The following CA6 variants were observed in gnomAD, a reference collection of about 807,000 sequenced individuals.
CA6 encodes the protein carbonic anhydrase 6, also known as carbonate dehydratase VI.
CA6 carries 28 observed loss-of-function variants against 35.9 expected under a neutral mutation model. The ratio of observed to expected loss-of-function variants is 0.78; its 90% CI spans 0.58 to 1.07. The LOEUF (loss-of-function observed/expected upper bound fraction) is 1.07. CA6 is among the 50% of genes least tolerant of loss of function. CA6 has a pLI of 0.00. For synonymous variants in CA6, 148 were observed against 152.6 expected (o/e 0.97, Z 0.22); for missense variants, 377 against 382.0 (o/e 0.99, Z 0.11).
intron 7 of CA6, among the ~76,000 whole-genome samples, chr1:8,972,545 G>T (rs374566412): frequency 6.6e-6 from 1 of 152,028 alleles, no homozygotes; most frequent in Non-Finnish European, 1.5e-5. Flanking sequence ...GGTGGCGGGC[G>T]CCTGTAGTCC....
At chr1:8,973,725 TTTC>T in intron 7 of CA6, among the ~76,000 whole-genome samples, 1 of 15,504 alleles carries the variant, frequency 6.4e-5, no homozygotes, top group Admixed American at 7.7e-4. Context: ...TCTTTCTTTC[TTTC>T]TTTCTTTCTT....
intron 1 of CA6, among the ~76,000 whole-genome samples, chr1:8,947,049 C>A (rs1639385244): frequency 1.3e-5 from 2 of 151,936 alleles, no homozygotes; most frequent in Admixed American, 1.3e-4. Flanking sequence ...AGTGATCCGC[C>A]CACCTTAGCC....
At chr1:8,966,148 C>T (rs777488465) in intron 5 of CA6, among the ~76,000 whole-genome samples, 5 of 151,970 alleles carry the variant, frequency 3.3e-5, no homozygotes, top group Non-Finnish European at 5.9e-5. Flanking sequence ...GACAGAGTCT[C>T]GCTGGGGCGG....
chr1:8,955,612 C>CCTT (rs1381406148), intron 2 of CA6, among the ~76,000 whole-genome samples: 13 of 134,556 alleles, frequency 9.7e-5, no homozygotes, highest in African/African-American at 2.6e-4. Context: ...GCATCACTGA[C>CCTT]CTTGCACGCC....
chr1:8,955,590 C>T (rs748313113), intron 2 of CA6, among the ~76,000 whole-genome samples: 1 of 152,184 alleles, frequency 6.6e-6, no homozygotes, highest in African/African-American at 2.4e-5. Context: ...CCTCGGCTCC[C>T]GTCTGCTTTC....
At chr1:8,959,094 T>C (rs1258660146) in intron 4 of CA6, 92 bp downstream of exon 4, 2 of 750,966 alleles carry the variant, frequency 2.7e-6, no homozygotes, top group South Asian at 1.6e-5. Flanking sequence ...TCTTCTTTAT[T>C]ATCACTCTTC....
At chr1:8,964,661 C>G (rs1639925657) in intron 5 of CA6, among the ~76,000 whole-genome samples, 1 of 152,186 alleles carries the variant, frequency 6.6e-6, no homozygotes, top group East Asian at 1.9e-4. Flanking sequence ...CCTTACCATT[C>G]CCCAGCTTCC....
chr1:8,974,366 T>G (rs2124203473), intron 7 of CA6: 1 of 1,531,044 alleles, frequency 6.5e-7, no homozygotes, highest in Non-Finnish European at 8.7e-7. Context: ...ACGGGGGGCA[T>G]CGTGGGAGAA....
At chr1:8,965,775 T>C (rs1371782938) in intron 5 of CA6, among the ~76,000 whole-genome samples, 1 of 151,682 alleles carries the variant, frequency 6.6e-6, no homozygotes, top group East Asian at 1.9e-4. Flanking sequence ...TATTCCCAGC[T>C]ACTCAGGAGG....
chr1:8,950,784 C>T (rs1362478360), intron 2 of CA6, among the ~76,000 whole-genome samples: 2 of 151,822 alleles, frequency 1.3e-5, no homozygotes, highest in African/African-American at 4.8e-5. Context: ...GGGAGGATCA[C>T]TTGAGCCTGG....
At chr1:8,957,620 C>G (rs970972192) in intron 3 of CA6, among the ~76,000 whole-genome samples, 4 of 151,134 alleles carry the variant, frequency 2.6e-5, no homozygotes, top group African/African-American at 4.8e-5. Context: ...GGATTATAGG[C>G]GTGAGCCACA....
chr1:8,956,172 T>G (rs763505454), intron 2 of CA6, among the ~76,000 whole-genome samples: 1 of 151,444 alleles, frequency 6.6e-6, no homozygotes, highest in Non-Finnish European at 1.5e-5. Context: ...GCAGTGAGCC[T>G]AGATCATGCC....
Position 8,949,302 on chromosome 1 carries a change from C to T in CA6, c.119C>T (p.Pro40Leu), listed in dbSNP as rs1227995444. ...GAAGCGCACTGGCCACAGCACTACCCCGCCTGTGGGGGCCAGAGACAGTCG... is the reference window on the plus strand; with the variant it reads ...GAAGCGCACTGGCCACAGCACTACCTCGCCTGTGGGGGCCAGAGACAGTCG... The part of the protein sequence containing the change: ...LDEAHWPQHY[P>L]ACGGQRQSPI... Residue 40 changes from proline to leucine, a missense_variant, in exon 2 of 8, where the codon CCC becomes CTC. Transcript: ENST00000377443. The T allele has an allele frequency of 6.2e-7, 1 of 1,612,886 alleles. No homozygotes were observed. Among genetic ancestry groups the T allele is most frequent in the Admixed American group, 1.7e-5 (1 of 59,848 alleles).
intron 1 of CA6, among the ~76,000 whole-genome samples, chr1:8,947,017 T>TG (rs1003877932): frequency 1.3e-5 from 2 of 152,012 alleles, no homozygotes; most frequent in Admixed American, 1.3e-4. Context: ...TTGGCCAGGC[T>TG]GTTCTCAAAC....
chr1:8,967,963 CT>C (rs34107058), intron 6 of CA6, 147 bp downstream of exon 6: 30,000 of 294,518 alleles, frequency 0.1, 2 homozygotes, highest in South Asian at 0.13. Context: ...TCTAGCCAAC[CT>C]TTTTTTTTTT....
In CA6 at chr1:8,951,387, G is replaced by A. The variant is rs765335710; in HGVS notation, c.259+1945G>A. 5 of 744,728 alleles carry A rather than the reference G, an allele frequency of 6.7e-6. No homozygotes were observed. In the Admixed American group the frequency reaches 7.0e-5, roughly 10 times the overall value. 46.1% of individuals were successfully genotyped at this position (744,728 alleles called of 1,614,324 possible). A position where few individuals can be genotyped will look rare whatever the true frequency, so the allele number is the denominator to read the frequency against. On this transcript the variant is annotated intron_variant, in intron 2 of 7. Transcript: ENST00000377443. ...AGCCTCATTTTCATCATAATGTCGA[G>A]CTCTTGTTTCCAAAGTTACTCTCTG...
At chr1:8,964,751 C>T (rs571046167) in intron 5 of CA6, among the ~76,000 whole-genome samples, 11 of 152,274 alleles carry the variant, frequency 7.2e-5, no homozygotes, top group African/African-American at 2.6e-4. Context: ...TGAGCTGGCC[C>T]CAATGCTCCA....
At chr1:8,970,782 T>G in intron 6 of CA6, 85 bp from the exon 7 acceptor site, 19 of 870,214 alleles carry the variant, frequency 2.2e-5, no homozygotes, top group Non-Finnish European at 3.2e-5. Context: ...ATTACAGGCG[T>G]GAGCCACTGC....
At chr1:8,960,801 G>C (rs528329928) in intron 4 of CA6, among the ~76,000 whole-genome samples, 1 of 106,152 alleles carries the variant, frequency 9.4e-6, no homozygotes, top group Non-Finnish European at 2.0e-5. Flanking sequence ...TATATATAAT[G>C]GGAGTCCCAG....
Sources: gnomAD v4.1 joint callset for allele counts (sites outside exome capture counted in the v4.1 genomes callset) on GRCh38, gnomAD v4.1.1 for gene constraint, MANE v1.5 for transcripts, NCBI Gene and HGNC (gene_info 2026-07-23, HGNC 2026-07-21) for gene names.